ZNF219: variants seen among roughly 807,000 people sequenced by gnomAD.
The protein encoded by ZNF219 is zinc finger protein 219.
A neutral mutation model predicts 54.4 loss-of-function variants in ZNF219; 17 were observed. The ratio of observed to expected loss-of-function variants is 0.31; its 90% CI spans 0.21 to 0.47. ZNF219 has a LOEUF of 0.47. ZNF219 is among the 20% of genes least tolerant of loss of function. The pLI is 1.00. For synonymous variants in ZNF219, 518 were observed against 476.4 expected (o/e 1.09, Z -1.14); for missense variants, 1,014 against 1,062.3 (o/e 0.95, Z 0.63).
At chr14:21,100,303 C>G (rs558788407), upstream of ZNF219, among the ~76,000 whole-genome samples, 11 of 152,110 alleles carry the variant, frequency 7.2e-5, no homozygotes, top group African/African-American at 2.7e-4. Context: ...AAGGTGTTGG[C>G]TACAGTGAGC....
At position 21,092,654 on chromosome 14, in the gene ZNF219, G is replaced by T; in HGVS notation, c.643C>A (p.Pro215Thr). ...GAGGTGGCCGCCAGGGGACGCTCGG[G>T]AGCCCCGTGGGCCGTCAGGCTGTGG... is the stretch of plus-strand genomic sequence containing the variant. ...LHHSLTAHGA[P>T]ERPLAATSAA... Residue 215 changes from proline (P) to threonine (T), a missense_variant, in exon 3 of 5, where the codon CCC (proline) becomes ACC (threonine). Pro to Thr is a conservative substitution (Grantham distance 38). Coordinates refer to ENST00000360947, the MANE Select transcript of ZNF219 (RefSeq NM_016423.3). 1 of 1,567,444 alleles carries T rather than the reference G, an allele frequency of 6.4e-7. No individual in the cohort carries two copies. The highest frequency in any genetic ancestry group is 1.2e-5 in the South Asian group (1 of 85,788).
intron 3 of ZNF219, 140 bp from the exon 4 acceptor site, chr14:21,091,682 T>C: frequency 6.8e-7 from 1 of 1,464,804 alleles, no homozygotes; most frequent in Non-Finnish European, 9.0e-7. Flanking sequence ...AGATTTGTTG[T>C]GACTAAAGAG....
intron 4 of ZNF219, 67 bp downstream of exon 4, chr14:21,091,344 T>C: frequency 6.5e-7 from 1 of 1,548,916 alleles, no homozygotes; most frequent in Non-Finnish European, 8.8e-7. Context: ...CCTCCTAGTG[T>C]TTCGGTAGCC....
rs961341250 is a variant in ZNF219, at chr14:21,093,359, CG to C, written c.7-70del. The C allele has an allele frequency of 3.5e-5, 53 of 1,507,890 alleles. No homozygotes were observed. In the African/African-American group the frequency reaches 6.8e-4, roughly 19 times the overall value. The allele number at this position is 1,507,890 out of a possible 1,614,324, so 93.4% of individuals were successfully genotyped here. On this transcript the variant is annotated intron_variant, in intron 2 of 4. Transcript: ENST00000360947. ...TGTAAAGGAAGCAAGGGCGTCGCCT[CG>C]AGGGCCAGAAGGACAACACGAGGGA...
upstream of ZNF219, chr14:21,103,098 C>T (rs368217898): frequency 8.6e-5 from 133 of 1,551,512 alleles, 2 homozygotes; most frequent in East Asian, 2.2e-3. Flanking sequence ...TTTCTCCTTT[C>T]TCACCTCTAC....
chr14:21,090,829 G>A lies in ZNF219; in HGVS notation c.1876C>T (p.Pro626Ser), dbSNP rs1182475751. 1.9e-6 allele frequency: 3 copies of A among 1,561,712 alleles called. No individual in the cohort carries two copies. Among genetic ancestry groups the A allele is most frequent in the Non-Finnish European group, 1.7e-6 (2 of 1,153,742 alleles). Residue 626 changes from proline (P) to serine (S), a missense_variant, in exon 5 of 5, where the codon CCC becomes TCC. Coordinates refer to ENST00000360947, the MANE Select transcript of ZNF219 (RefSeq NM_016423.3). The surrounding 1 kb of genome is among the most constrained non-coding windows in gnomAD (Gnocchi z 4.4). Reference protein sequence around the residue: ...LRNGRGGEAEPLDLSLRAGPG... With the variant: ...LRNGRGGEAESLDLSLRAGPG... ...CCTGCCCGCAAGGACAGGTCCAGGG[G>A]TTCGGCCTCACCGCCTCGCCCGTTG...
chr14:21,098,415 G>T lies in ZNF219; in HGVS notation c.-187C>A. Reference sequence around the variant, plus strand: ...AGCGTTACGTGGGGCCGGGGGAGATGCGCCGGGCCCCGGCCCCCCCGCCCC... The same window carrying T: ...AGCGTTACGTGGGGCCGGGGGAGATTCGCCGGGCCCCGGCCCCCCCGCCCC... On this transcript the variant is annotated 5_prime_UTR_variant, in exon 1 of 5. Transcript: ENST00000360947. 1 of 576,268 alleles carries T rather than the reference G, an allele frequency of 1.7e-6. No homozygotes were observed. Among genetic ancestry groups the T allele is most frequent in the Non-Finnish European group, 2.2e-6 (1 of 460,930 alleles). The allele number at this position is 576,268 out of a possible 1,614,324, so 35.7% of individuals were successfully genotyped here.
intron 1 of ZNF219, among the ~76,000 whole-genome samples, chr14:21,094,729 G>GC (rs1555341884): frequency 1.1e-5 from 1 of 92,142 alleles, no homozygotes; most frequent in Non-Finnish European, 2.4e-5. Context: ...TAGGGGTTGG[G>GC]GGGGGGGGCG....
chr14:21,092,768 C>A lies in ZNF219; in HGVS notation c.529G>T (p.Glu177Ter). 6.3e-7 allele frequency: 1 copy of A among 1,580,838 alleles called. No homozygotes were observed. The highest frequency in any genetic ancestry group is 2.3e-5 in the East Asian group (1 of 44,342). The stretch of plus-strand genomic sequence containing the variant: ...AGGATGTGCAGGTGGCGTTCGCGCT[C>A]CGCCGAGGTGCGAAACTTGCCTTTG... ...YCKGKFRTSAERERHLHILHR... is the reference protein window; with the variant it reads ...YCKGKFRTSA Residue 177 changes from glutamate (E) to a stop codon, truncating the protein, a stop_gained, in exon 3 of 5, where the codon GAG becomes TAG. Transcript: ENST00000360947. LOFTEE classifies it high-confidence loss of function.
upstream of ZNF219, chr14:21,102,436 A>C: frequency 6.4e-7 from 1 of 1,551,702 alleles, no homozygotes; most frequent in Non-Finnish European, 8.7e-7. Flanking sequence ...AACACCTTCA[A>C]CTTGATCTTG....
upstream of ZNF219, among the ~76,000 whole-genome samples, chr14:21,099,515 C>T (rs908131044): frequency 6.6e-6 from 1 of 152,178 alleles, no homozygotes; most frequent in African/African-American, 2.4e-5. Flanking sequence ...ATACAATGAC[C>T]CGCCGATGTT....
chr14:21,101,242 G>A, upstream of ZNF219: 1 of 1,078,532 alleles, frequency 9.3e-7, no homozygotes, highest in South Asian at 1.5e-5. Context: ...CAGAGGTGTA[G>A]CTGAAAGATA....
upstream of ZNF219, chr14:21,102,396 C>T (rs2139352176): frequency 6.4e-7 from 1 of 1,551,604 alleles, no homozygotes; most frequent in South Asian, 1.2e-5. Flanking sequence ...TGAGCTGGCT[C>T]ACTGGCAGGT....
At chr14:21,101,321 T>C, upstream of ZNF219, 1 of 1,550,412 alleles carries the variant, frequency 6.4e-7, no homozygotes, top group South Asian at 1.2e-5. Flanking sequence ...AGGAAGCACC[T>C]AATTCTTGTG....
chr14:21,095,246 T>A (rs1490704161), intron 1 of ZNF219, among the ~76,000 whole-genome samples: 1 of 152,248 alleles, frequency 6.6e-6, no homozygotes, highest in African/African-American at 2.4e-5. Context: ...CAAGGGTCAC[T>A]AGACGACCTC....
chr14:21,098,559 C>G lies in ZNF219; in HGVS notation c.-331G>C. 1.0e-6 allele frequency: 1 copy of G among 990,274 alleles called. No individual in the cohort carries two copies. Among genetic ancestry groups the G allele is most frequent in the Non-Finnish European group, 1.2e-6 (1 of 833,248 alleles). 61.3% of individuals were successfully genotyped at this position (990,274 alleles called of 1,614,324 possible). On this transcript the variant is annotated 5_prime_UTR_variant, in exon 1 of 5. Transcript: ENST00000360947. ...GGCGGCGCGGCGGGGCTGGGAGCCGCGCGGGAGCCGGGCTCTGGCTCCGGG... is the reference window on the plus strand; with the variant it reads ...GGCGGCGCGGCGGGGCTGGGAGCCGGGCGGGAGCCGGGCTCTGGCTCCGGG...
At chr14:21,099,166 C>CT (rs1434078503), upstream of ZNF219, 13 of 199,400 alleles carry the variant, frequency 6.5e-5, no homozygotes, top group Non-Finnish European at 1.1e-4. Context: ...TGGTACCTTC[C>CT]TTCCAGGCGA....
intron 1 of ZNF219, among the ~76,000 whole-genome samples, chr14:21,094,126 G>A (rs1267673441): frequency 3.9e-5 from 6 of 152,144 alleles, no homozygotes; most frequent in Non-Finnish European, 8.8e-5. Flanking sequence ...GCTTCCTTCT[G>A]CCCTTACCCT....
At chr14:21,097,681 G>C (rs912050090) in intron 1 of ZNF219, among the ~76,000 whole-genome samples, 1 of 152,170 alleles carries the variant, frequency 6.6e-6, no homozygotes, top group African/African-American at 2.4e-5. Flanking sequence ...GGCAGGGTTG[G>C]GAGATAGGGA....
Sources: allele counts gnomAD v4.1 joint callset (sites outside exome capture counted in the v4.1 genomes callset), GRCh38; gene constraint gnomAD v4.1.1; non-coding constraint Gnocchi (gnomAD v3.1); transcripts MANE v1.5; gene names NCBI Gene and HGNC (gene_info 2026-07-23, HGNC 2026-07-21).